Variants in NLRX1 observed in about 807,000 individuals in gnomAD.
The protein encoded by NLRX1 is NOD-like receptor X1.
NLRX1 carries 67 observed loss-of-function variants against 74.2 expected under a neutral mutation model. That is an observed-to-expected ratio of 0.90 (90% CI 0.74 to 1.11). NLRX1 has a LOEUF of 1.11. Among genes scored for constraint, NLRX1 ranks in the 50% least tolerant of loss-of-function variants. NLRX1 has a pLI of 0.00. For synonymous variants in NLRX1, 506 were observed against 559.1 expected, an observed-to-expected ratio of 0.91 and a Z score of 1.34; for missense variants, 1,191 against 1,305.4, an observed-to-expected ratio of 0.91 and a Z score of 1.35.
chr11:119,183,512 CACT>C lies in NLRX1; in HGVS notation c.*74_*76del. The C allele has an allele frequency of 7.2e-7, 1 of 1,380,640 alleles. No individual in the cohort carries two copies. The allele number at this position is 1,380,640 out of a possible 1,614,324, so 85.5% of individuals were successfully genotyped here. On this transcript the variant is annotated 3_prime_UTR_variant, in exon 10 of 10. Coordinates refer to ENST00000409109, the MANE Select transcript of NLRX1 (RefSeq NM_001282144.2). The surrounding 1 kb of genome is among the most constrained non-coding windows in gnomAD (Gnocchi z 5.7). ...TTTCCCTCTGTGGCCTCCTGGCTTG[CACT>C]GCTCCCTCTAGAAAGATTCCTTCAG...
In NLRX1 at chr11:119,172,885, C is replaced by T. The variant is rs199537611; in HGVS notation, c.141-16C>T. On this transcript the variant is annotated splice_polypyrimidine_tract_variant and intron_variant, in intron 3 of 9. Coordinates refer to ENST00000409109, the MANE Select transcript of NLRX1 (RefSeq NM_001282144.2). ...CAAGTTACAAGTCCCAGCTCATCCC[C>T]TCTCCTTGTTCCCAGGGCCTTTATA... is the stretch of plus-strand genomic sequence containing the variant. The T allele has an allele frequency of 1.2e-6, 2 of 1,603,940 alleles. No homozygotes were observed. The highest frequency in any genetic ancestry group is 1.1e-5 in the South Asian group (1 of 90,888).
chr11:119,179,721 T>C lies in NLRX1; in HGVS notation c.1700T>C (p.Val567Ala). ...KVVPRVFGRM[V>A]GKSREAVAQA... ...GTTCCACGAGTGTTTGGGCGCATGG[T>C]GGGTAAAAGCCGGGAGGCGGTGGCT... Residue 567 changes from valine (V) to alanine (A), a missense_variant, in exon 7 of 10, where the codon GTG becomes GCG. Val to Ala is a moderately conservative substitution (Grantham distance 64, BLOSUM62 0). Transcript: ENST00000409109. 1 of 1,607,534 alleles carries C rather than the reference T, an allele frequency of 6.2e-7. No individual in the cohort carries two copies. Among genetic ancestry groups the C allele is most frequent in the Non-Finnish European group, 8.5e-7 (1 of 1,175,536 alleles).
Position 119,174,052 on chromosome 11 carries a change from C to A in NLRX1, c.803C>A (p.Pro268Gln). 3 of 1,614,184 alleles carry A rather than the reference C, an allele frequency of 1.9e-6. No homozygotes were observed. In the South Asian group the frequency reaches 3.3e-5, roughly 18 times the overall value. ...AGTGACCCGGAGGAACCGCAGGAAC[C>A]AGCTGCTATCATCGTCAACCTGCTG... Reference protein sequence around the residue: ...LCSDPEEPQEPAAIIVNLLRK... With the variant: ...LCSDPEEPQEQAAIIVNLLRK... The change falls in exon 5 of 10, where the codon CCA becomes CAA. Residue 268 changes from proline to glutamine, a missense_variant. Coordinates refer to ENST00000409109, the MANE Select transcript of NLRX1 (RefSeq NM_001282144.2).
At position 119,173,014 on chromosome 11, in the gene NLRX1, G is replaced by C. The variant is rs768628225; in HGVS notation, c.229+25G>C. ...GGTAAAGGGACTGGCTGGGACCCTGGTCAGGGGGTGTGGTGGGCAGACGGG... is the reference window on the plus strand; with the variant it reads ...GGTAAAGGGACTGGCTGGGACCCTGCTCAGGGGGTGTGGTGGGCAGACGGG... On this transcript the variant is annotated intron_variant, in intron 4 of 9. Coordinates refer to ENST00000409109, the MANE Select transcript of NLRX1 (RefSeq NM_001282144.2). This position sits in a 1 kb window ranked among gnomAD's most constrained non-coding sequence, Gnocchi z 4.0. 16 of 1,589,074 alleles carry C rather than the reference G, an allele frequency of 1.0e-5. No homozygotes were observed. The Admixed American group carries it at 2.5e-4, about 25-fold the overall frequency.
intron 1 of NLRX1, among the ~76,000 whole-genome samples, chr11:119,171,085 A>G (rs906721490): frequency 3.3e-5 from 5 of 152,184 alleles, no homozygotes; most frequent in African/African-American, 1.2e-4. Flanking sequence ...ATAGGCTTCA[A>G]TGAGCCACAA....
intron 8 of NLRX1, among the ~76,000 whole-genome samples, chr11:119,181,584 C>T (rs928853609): frequency 6.6e-6 from 1 of 152,166 alleles, no homozygotes; most frequent in Non-Finnish European, 1.5e-5. Context: ...TGCAGCCTCC[C>T]GAGGAGGACC....
chr11:119,174,202 C>G lies in NLRX1; in HGVS notation c.849+104C>G, dbSNP rs1044635637. 6 of 1,418,586 alleles carry G rather than the reference C, an allele frequency of 4.2e-6. No individual in the cohort carries two copies. In the African/African-American group the frequency reaches 5.7e-5, roughly 14 times the overall value. 87.9% of individuals were successfully genotyped at this position (1,418,586 alleles called of 1,614,324 possible). A position where few individuals can be genotyped will look rare whatever the true frequency, so the allele number is the denominator to read the frequency against. On this transcript the variant is annotated intron_variant, in intron 5 of 9. Transcript: ENST00000409109. ...TCCCTTCACTTCCCAGTGGTGCGAC[C>G]CTGAGCAAGTCAGTAACTTCCCCAG...
Position 119,183,276 on chromosome 11 carries a change from A to G in NLRX1, c.2765A>G (p.Asn922Ser), listed in dbSNP as rs1948892085. 3 of 1,614,170 alleles carry G rather than the reference A, an allele frequency of 1.9e-6. No homozygotes were observed. Among genetic ancestry groups the G allele is most frequent in the Non-Finnish European group, 2.5e-6 (3 of 1,180,032 alleles). Residue 922 changes from asparagine (N) to serine (S), a missense_variant, in exon 10 of 10, where the codon AAT becomes AGT. Asn to Ser is a conservative substitution (Grantham distance 46). Transcript: ENST00000409109. This position sits in a 1 kb window ranked among gnomAD's most constrained non-coding sequence, Gnocchi z 5.7. ...CTCAGTGAAGTCCAGCGGAACCTCA[A>G]TAGCTGGGATCGGGCCCGGGTTCAG... ...VILSEVQRNL[N>S]SWDRARVQRH...
chr11:119,174,055 C>G lies in NLRX1; in HGVS notation c.806C>G (p.Ala269Gly). 5.6e-6 allele frequency: 9 copies of G among 1,614,134 alleles called. No homozygotes were observed. The highest frequency in any genetic ancestry group is 7.6e-6 in the Non-Finnish European group (9 of 1,180,020). Residue 269 changes from alanine to glycine, a missense_variant, in exon 5 of 10, where the codon GCT (alanine) becomes GGT (glycine). Transcript: ENST00000409109. ...CSDPEEPQEP[A>G]AIIVNLLRKY... ...GACCCGGAGGAACCGCAGGAACCAG[C>G]TGCTATCATCGTCAACCTGCTGCGC...
At chr11:119,171,524 G>A (rs1458737983) in intron 2 of NLRX1, 51 bp downstream of exon 2, 22 of 1,390,368 alleles carry the variant, frequency 1.6e-5, no homozygotes, top group Non-Finnish European at 2.0e-5. Context: ...GCTTTCCAGG[G>A]TCCACATGAT....
At position 119,174,017 on chromosome 11, in the gene NLRX1, G is replaced by A. The variant is rs199539903; in HGVS notation, c.768G>A (p.Thr256=). ...ACCTCGACTTCCGGCTGGCAGGCACGGGACTTTGTAGTGACCCGGAGGAAC... is the reference window on the plus strand; with the variant it reads ...ACCTCGACTTCCGGCTGGCAGGCACAGGACTTTGTAGTGACCCGGAGGAAC... ...HLNLDFRLAG[T]GLCSDPEEPQ... The change falls in exon 5 of 10, where the codon ACG becomes ACA. Residue 256 remains threonine, a synonymous_variant. Coordinates refer to ENST00000409109, the MANE Select transcript of NLRX1 (RefSeq NM_001282144.2). 1.1e-5 allele frequency: 18 copies of A among 1,614,120 alleles called. No individual in the cohort carries two copies. The East Asian group carries it at 2.0e-4, about 18-fold the overall frequency.
rs769913702 is a variant in NLRX1, at chr11:119,182,309, G to A, written c.2570G>A (p.Arg857Lys). ...GACACAGCGGCCCTGGCCCTGGCCA[G>A]AGCTGCCCGGGAGCACCCTTCCCTG... ...AGDTAALALARAAREHPSLEL... is the reference protein window; with the variant it reads ...AGDTAALALAKAAREHPSLEL... Residue 857 changes from arginine to lysine, a missense_variant, in exon 9 of 10, where the codon AGA becomes AAA. Transcript: ENST00000409109. 1.9e-6 allele frequency: 3 copies of A among 1,613,144 alleles called. No individual in the cohort carries two copies. In the African/African-American group the frequency reaches 4.0e-5, roughly 22 times the overall value.
At position 119,173,828 on chromosome 11, in the gene NLRX1, G is replaced by T. The variant is rs760616431; in HGVS notation, c.579G>T (p.Leu193=). 23 of 1,613,408 alleles carry T rather than the reference G, an allele frequency of 1.4e-5. No individual in the cohort carries two copies. Among genetic ancestry groups the T allele is most frequent in the Non-Finnish European group, 1.9e-5 (22 of 1,180,032 alleles). The change falls in exon 5 of 10, where the codon CTG becomes CTT. Residue 193 remains leucine, a synonymous_variant. Transcript: ENST00000409109. This position sits in a 1 kb window ranked among gnomAD's most constrained non-coding sequence, Gnocchi z 4.0. Reference sequence around the variant, plus strand: ...ATGGGCGGCTGCCGGCCTTCGAGCTGCTCATCCCCTTCTCCTGTGAGGACC... The same window carrying T: ...ATGGGCGGCTGCCGGCCTTCGAGCTTCTCATCCCCTTCTCCTGTGAGGACC... ...WCYGRLPAFE[L]LIPFSCEDLS... is the part of the protein sequence containing the mutation.
chr11:119,171,594 T>C lies in NLRX1; in HGVS notation c.70+121T>C. On this transcript the variant is annotated intron_variant, in intron 2 of 9. Coordinates refer to ENST00000409109, the MANE Select transcript of NLRX1 (RefSeq NM_001282144.2). ...CACTAGTCTCAGCTCCGTGGTTCTCTAGCTGTTGACCTTGAGCATGTCGCT... is the reference window on the plus strand; with the variant it reads ...CACTAGTCTCAGCTCCGTGGTTCTCCAGCTGTTGACCTTGAGCATGTCGCT... 7 of 664,468 alleles carry C rather than the reference T, an allele frequency of 1.1e-5. No homozygotes were observed. In the South Asian group the frequency reaches 1.3e-4, roughly 12 times the overall value. The allele number at this position is 664,468 out of a possible 1,614,324, so 41.2% of individuals were successfully genotyped here. A position where few individuals can be genotyped will look rare whatever the true frequency, so the allele number is the denominator to read the frequency against.
chr11:119,173,836 C>T lies in NLRX1; in HGVS notation c.587C>T (p.Pro196Leu), dbSNP rs993202466. 3 of 1,613,530 alleles carry T rather than the reference C, an allele frequency of 1.9e-6. No individual in the cohort carries two copies. The highest frequency in any genetic ancestry group is 1.3e-5 in the African/African-American group (1 of 74,928). ...CTGCCGGCCTTCGAGCTGCTCATCC[C>T]CTTCTCCTGTGAGGACCTGTCATCC... ...GRLPAFELLI[P>L]FSCEDLSSLG... Residue 196 changes from proline (P) to leucine (L), a missense_variant, in exon 5 of 10, where the codon CCC becomes CTC. Transcript: ENST00000409109. This position sits in a 1 kb window ranked among gnomAD's most constrained non-coding sequence, Gnocchi z 4.0.
chr11:119,180,363 C>A, intron 7 of NLRX1, 75 bp downstream of exon 7: 1 of 1,239,070 alleles, frequency 8.1e-7, no homozygotes, highest in Non-Finnish European at 1.1e-6. Context: ...AAGAAAGTGC[C>A]AGGGAAACCA....
chr11:119,176,647 A>G (rs1049226022), intron 6 of NLRX1, among the ~76,000 whole-genome samples: 1 of 150,444 alleles, frequency 6.6e-6, no homozygotes, highest in Non-Finnish European at 1.5e-5. Context: ...AGATTGCGCC[A>G]CTGCACTCCA....
Position 119,173,014 on chromosome 11 carries a change from G to A in NLRX1, c.229+25G>A. On this transcript the variant is annotated intron_variant, in intron 4 of 9. Transcript: ENST00000409109. This position sits in a 1 kb window ranked among gnomAD's most constrained non-coding sequence, Gnocchi z 4.0. ...GGTAAAGGGACTGGCTGGGACCCTG[G>A]TCAGGGGGTGTGGTGGGCAGACGGG... 6.3e-7 allele frequency: 1 copy of A among 1,589,192 alleles called. No homozygotes were observed. The highest frequency in any genetic ancestry group is 8.6e-7 in the Non-Finnish European group (1 of 1,158,068).
chr11:119,178,742 G>A (rs1350628187), intron 6 of NLRX1, among the ~76,000 whole-genome samples: 9 of 144,852 alleles, frequency 6.2e-5, no homozygotes, highest in African/African-American at 2.3e-4. Flanking sequence ...TTGCTCTGTT[G>A]CCCAGGCTGG....
Sources: gnomAD v4.1 joint callset for allele counts (sites outside exome capture counted in the v4.1 genomes callset) on GRCh38, gnomAD v4.1.1 for gene constraint, Gnocchi (gnomAD v3.1) non-coding constraint, MANE v1.5 for transcripts, NCBI Gene and HGNC (gene_info 2026-07-23, HGNC 2026-07-21) for gene names.